The following PSMD12 variants were observed in gnomAD, a reference collection of about 807,000 sequenced individuals.
The protein encoded by PSMD12 is 26S proteasome non-ATPase regulatory subunit 12.
In PSMD12, 8 loss-of-function variants were observed where a neutral mutation model predicts 62.9. The ratio of observed to expected loss-of-function variants is 0.13; its 90% CI spans 0.07 to 0.23. The LOEUF (loss-of-function observed/expected upper bound fraction) is 0.23. Among genes scored for constraint, PSMD12 ranks in the 10% least tolerant of loss-of-function variants. The pLI is 1.00. For synonymous variants in PSMD12, 173 were observed against 187.4 expected (o/e 0.92, Z 0.63); for missense variants, 424 against 550.2 (o/e 0.77, Z 2.29).
rs1276843252 is a variant in PSMD12 at position 67,366,485 on chromosome 17, C to T, written c.35G>A (p.Arg12His). Residue 12 changes from arginine (R) to histidine (H), a missense_variant, in exon 1 of 11, where the codon CGC becomes CAC. Physicochemically the swap from Arg to His is conservative, Grantham distance 29. Transcript: ENST00000356126. Reference sequence around the variant, plus strand: ...GTAGTCCACCTCCATCTTGACGATGCGCCCGTCAGCCCGCTCCGAGCCGCC... The same window carrying T: ...GTAGTCCACCTCCATCTTGACGATGTGCCCGTCAGCCCGCTCCGAGCCGCC... ...ADGGSERADGRIVKMEVDYSA... is the reference protein window; with the variant it reads ...ADGGSERADGHIVKMEVDYSA... 2 of 1,610,136 alleles carry T rather than the reference C, an allele frequency of 1.2e-6. No individual in the cohort carries two copies. The highest frequency in any genetic ancestry group is 1.7e-6 in the Non-Finnish European group (2 of 1,178,952).
At chr17:67,341,113 T>A in intron 10 of PSMD12, 61 bp from the exon 11 acceptor site, 1 of 1,305,706 alleles carries the variant, frequency 7.7e-7, no homozygotes, top group South Asian at 1.4e-5. Flanking sequence ...TAAACAAAAC[T>A]TCAGAAAAGC....
chr17:67,347,881 T>C (rs9904424), intron 5 of PSMD12, among the ~76,000 whole-genome samples: 45,261 of 152,068 alleles, frequency 0.3, 6,847 homozygotes, highest in African/African-American at 0.32. Context: ...AAATATAGTA[T>C]GTAACTCTTT....
Position 67,339,361 on chromosome 17 carries a change from T to G in PSMD12, c.*1482A>C, listed in dbSNP as rs2041889361. 1 of 152,266 alleles carries G rather than the reference T, an allele frequency of 6.6e-6. No homozygotes were observed. The allele number at this position is 152,266 out of a possible 1,614,324, so 9.4% of individuals were successfully genotyped here. A position where few individuals can be genotyped will look rare whatever the true frequency, so the allele number is the denominator to read the frequency against. On this transcript the variant is annotated 3_prime_UTR_variant, in exon 11 of 11. Transcript: ENST00000356126. ...CCTGACCTTAGATGATCCACCCGCC[T>G]TGGCCTCCCAAAGTGCTGGGATCCA...
intron 1 of PSMD12, among the ~76,000 whole-genome samples, chr17:67,365,338 C>T (rs1043483021): frequency 1.3e-5 from 2 of 152,036 alleles, no homozygotes; most frequent in African/African-American, 4.8e-5. Flanking sequence ...GATCTTGGGG[C>T]ATGTGATTCA....
At chr17:67,354,814 A>T (rs2042051782) in intron 3 of PSMD12, among the ~76,000 whole-genome samples, 1 of 151,900 alleles carries the variant, frequency 6.6e-6, no homozygotes, top group Admixed American at 6.6e-5. Context: ...ACATGGTGAA[A>T]CCCTGACTCT....
chr17:67,341,104 A>G (rs753054970), intron 10 of PSMD12, 52 bp from the exon 11 acceptor site: 4 of 1,384,502 alleles, frequency 2.9e-6, no homozygotes, highest in African/African-American at 1.5e-5. Context: ...TACAGACAAT[A>G]AACAAAACTT....
intron 1 of PSMD12, among the ~76,000 whole-genome samples, chr17:67,361,742 C>T (rs959694432): frequency 6.6e-6 from 1 of 151,644 alleles, no homozygotes; most frequent in Non-Finnish European, 1.5e-5. Flanking sequence ...TTGACATTAA[C>T]CATAAGAGGC....
chr17:67,351,564 T>C (rs1321009275), intron 3 of PSMD12, among the ~76,000 whole-genome samples: 1 of 151,946 alleles, frequency 6.6e-6, no homozygotes, highest in Non-Finnish European at 1.5e-5. Flanking sequence ...TCAGGCTAAA[T>C]GTTTTTGTTG....
At chr17:67,364,273 G>A (rs577945398) in intron 1 of PSMD12, among the ~76,000 whole-genome samples, 2 of 151,930 alleles carry the variant, frequency 1.3e-5, no homozygotes, top group East Asian at 1.9e-4. Context: ...ATCTTAACAG[G>A]CCCCAACATT....
chr17:67,350,371 A>T, intron 3 of PSMD12, 35 bp from the exon 4 acceptor site: 1 of 1,470,616 alleles, frequency 6.8e-7, no homozygotes, highest in Middle Eastern at 2.0e-4. Context: ...AGTAAAATAC[A>T]TTCCTCACAG....
rs1032604610 is a variant in PSMD12, at chr17:67,340,180, T to C, written c.*663A>G. ...GTGTCAATTATGTCAGCTGATTCTGTTGAACAACTGATCAAGTGAGAGGAT... is the reference window on the plus strand; with the variant it reads ...GTGTCAATTATGTCAGCTGATTCTGCTGAACAACTGATCAAGTGAGAGGAT... On this transcript the variant is annotated 3_prime_UTR_variant, in exon 11 of 11. Transcript: ENST00000356126. 1 of 150,508 alleles carries C rather than the reference T, an allele frequency of 6.6e-6. No homozygotes were observed. Among genetic ancestry groups the C allele is most frequent in the Non-Finnish European group, 1.5e-5 (1 of 67,776 alleles). 9.3% of individuals were successfully genotyped at this position (150,508 alleles called of 1,614,324 possible). A position where few individuals can be genotyped will look rare whatever the true frequency, so the allele number is the denominator to read the frequency against.
chr17:67,365,378 T>C (rs2042169715), intron 1 of PSMD12, among the ~76,000 whole-genome samples: 1 of 152,048 alleles, frequency 6.6e-6, no homozygotes, highest in African/African-American at 2.4e-5. Flanking sequence ...TTCTTACCTG[T>C]AAAATAAGGA....
At chr17:67,349,724 TTAG>T (rs962992915) in intron 4 of PSMD12, among the ~76,000 whole-genome samples, 3 of 152,222 alleles carry the variant, frequency 2.0e-5, no homozygotes, top group Non-Finnish European at 2.9e-5. Flanking sequence ...ATAAGTAATG[TTAG>T]TAGATTTATA....
rs1023531915 is a variant in PSMD12 at position 67,342,860 on chromosome 17, C to T, written c.1084-597G>A. On this transcript the variant is annotated intron_variant, in intron 9 of 10. Coordinates refer to ENST00000356126, the MANE Select transcript of PSMD12 (RefSeq NM_002816.5). ...CTGAGGGGGGAGAATTCTTTGAACC[C>T]GAGAATTCAAGGTTACAGTGTGCTA... Among the ~76,000 whole-genome samples the T allele has an allele frequency of 1.6e-3, 242 of 150,614 alleles. 3 individuals carry two copies. Among genetic ancestry groups the T allele is most frequent in the Non-Finnish European group, 4.9e-4 (33 of 67,864 alleles).
intron 3 of PSMD12, among the ~76,000 whole-genome samples, chr17:67,352,362 A>G (rs1019674529): frequency 3.9e-5 from 6 of 152,164 alleles, no homozygotes; most frequent in African/African-American, 1.2e-4. Flanking sequence ...GCAGTATTAA[A>G]CTTTTAACTA....
chr17:67,343,871 T>G (rs1477068031), intron 9 of PSMD12, among the ~76,000 whole-genome samples: 1 of 150,832 alleles, frequency 6.6e-6, no homozygotes, highest in Non-Finnish European at 1.5e-5. Flanking sequence ...GCCCGGCTAA[T>G]TTTTGTATTT....
intron 9 of PSMD12, among the ~76,000 whole-genome samples, chr17:67,343,597 G>A (rs2041935630): frequency 6.6e-6 from 1 of 152,108 alleles, no homozygotes; most frequent in Non-Finnish European, 1.5e-5. Context: ...TTTCCCATAA[G>A]CCTCCCTCTG....
At chr17:67,362,586 C>T (rs1329146271) in intron 1 of PSMD12, among the ~76,000 whole-genome samples, 3 of 147,414 alleles carry the variant, frequency 2.0e-5, no homozygotes, top group African/African-American at 5.0e-5. Context: ...TCCTTGAACC[C>T]GGGAGATGGA....
chr17:67,346,520 G>C (rs1042988243), intron 7 of PSMD12, among the ~76,000 whole-genome samples: 2 of 152,198 alleles, frequency 1.3e-5, no homozygotes, highest in African/African-American at 4.8e-5. Flanking sequence ...AGCCAAGACT[G>C]TGCCACTGCA....
Sources: allele counts gnomAD v4.1 joint callset (sites outside exome capture counted in the v4.1 genomes callset), GRCh38; gene constraint gnomAD v4.1.1; transcripts MANE v1.5; gene names NCBI Gene and HGNC (gene_info 2026-07-23, HGNC 2026-07-21).